The following NADK2 variants were observed in gnomAD, a reference collection of about 807,000 sequenced individuals.
NADK2 encodes NAD kinase 2, mitochondrial.
In NADK2, 35 loss-of-function variants were observed where a neutral mutation model predicts 62.1. The ratio of observed to expected loss-of-function variants is 0.56; its 90% CI spans 0.43 to 0.75. The LOEUF is 0.75. NADK2 is among the 30% of genes least tolerant of loss of function. The pLI is 0.00. For missense variants in NADK2, 439 were observed against 561.3 expected (o/e 0.78, Z 2.20); for synonymous variants, 205 against 207.9 (o/e 0.99, Z 0.12).
chr5:36,199,066 G>A (rs867752654), intron 10 of NADK2, among the ~76,000 whole-genome samples: 4 of 151,840 alleles, frequency 2.6e-5, no homozygotes, highest in Middle Eastern at 3.2e-3. Flanking sequence ...TAGGGGGTGG[G>A]GGGAGGAATA....
intron 2 of NADK2, among the ~76,000 whole-genome samples, chr5:36,227,255 GA>G (rs745981940): frequency 1.3e-5 from 2 of 152,228 alleles, no homozygotes; most frequent in Non-Finnish European, 2.9e-5. Flanking sequence ...CATTTCTCTG[GA>G]AGACCAAATA....
At chr5:36,228,124 C>T (rs1421447424) in intron 1 of NADK2, among the ~76,000 whole-genome samples, 1 of 152,148 alleles carries the variant, frequency 6.6e-6, no homozygotes, top group East Asian at 1.9e-4. Context: ...GAAATCTAAA[C>T]AAAGGGCTGA....
chr5:36,203,013 C>T (rs1347263201), intron 8 of NADK2, among the ~76,000 whole-genome samples: 1 of 151,860 alleles, frequency 6.6e-6, no homozygotes, highest in Admixed American at 6.6e-5. Context: ...GAAAAAAAGC[C>T]CCTCTCTATC....
intron 1 of NADK2, among the ~76,000 whole-genome samples, chr5:36,231,180 GA>G (rs1579635806): frequency 6.6e-6 from 1 of 152,164 alleles, no homozygotes; most frequent in Non-Finnish European, 1.5e-5. Context: ...AGGAAAATAA[GA>G]TACATGGCGT....
intron 4 of NADK2, among the ~76,000 whole-genome samples, chr5:36,222,729 A>G (rs1249052220): frequency 6.6e-6 from 1 of 152,230 alleles, no homozygotes; most frequent in Admixed American, 6.5e-5. Context: ...AAGCTAGTTC[A>G]GTAATTTAAA....
At chr5:36,211,631 T>C (rs1221898589) in intron 7 of NADK2, among the ~76,000 whole-genome samples, 1 of 152,150 alleles carries the variant, frequency 6.6e-6, no homozygotes, top group African/African-American at 2.4e-5. Context: ...TTATTTAATC[T>C]AGGGTTTCAC....
At chr5:36,207,570 T>C (rs1447987058) in intron 7 of NADK2, among the ~76,000 whole-genome samples, 3 of 152,130 alleles carry the variant, frequency 2.0e-5, no homozygotes, top group Non-Finnish European at 4.4e-5. Context: ...TTTGCTCTTA[T>C]GGAATCTAAC....
Position 36,195,346 on chromosome 5 carries a change from A to G in NADK2, c.1191-64T>C, listed in dbSNP as rs11952882. 0.52 allele frequency: 762,915 copies of G among 1,465,232 alleles called. 212,308 individuals are homozygous for G. Among genetic ancestry groups the G allele is most frequent in the Non-Finnish European group, 0.58 (637,808 of 1,100,366 alleles). 90.8% of individuals were successfully genotyped at this position (1,465,232 alleles called of 1,614,324 possible). The stretch of plus-strand genomic sequence containing the variant: ...TTCTTAATAGGTTATTTTAATCCTG[A>G]ATTTTAACCTAGCAGATCATTTGGC... On this transcript the variant is annotated intron_variant, in intron 11 of 11. Transcript: ENST00000381937.
chr5:36,227,460 C>A lies in NADK2; in HGVS notation c.389+17G>T. On this transcript the variant is annotated intron_variant, in intron 2 of 11. Transcript: ENST00000381937. ...TGAATATAAAATCCAACCCAAGACCCAATCCCATAGACTTACCGTAAACTA... is the reference window on the plus strand; with the variant it reads ...TGAATATAAAATCCAACCCAAGACCAAATCCCATAGACTTACCGTAAACTA... 1 of 1,353,946 alleles carries A rather than the reference C, an allele frequency of 7.4e-7. No individual in the cohort carries two copies. The highest frequency in any genetic ancestry group is 9.8e-7 in the Non-Finnish European group (1 of 1,024,716). 83.9% of individuals were successfully genotyped at this position (1,353,946 alleles called of 1,614,324 possible). A position where few individuals can be genotyped will look rare whatever the true frequency, so the allele number is the denominator to read the frequency against.
At chr5:36,199,232 T>C (rs1222488847) in intron 10 of NADK2, among the ~76,000 whole-genome samples, 1 of 151,992 alleles carries the variant, frequency 6.6e-6, no homozygotes. Flanking sequence ...GAAAAAGATA[T>C]TGCTAACTCA....
intron 4 of NADK2, among the ~76,000 whole-genome samples, chr5:36,223,559 A>C (rs1353464197): frequency 6.6e-6 from 1 of 152,234 alleles, no homozygotes; most frequent in Non-Finnish European, 1.5e-5. Flanking sequence ...AGGAAGAAAA[A>C]GGTATCATAA....
At chr5:36,229,846 A>G (rs1747639888) in intron 1 of NADK2, among the ~76,000 whole-genome samples, 1 of 150,224 alleles carries the variant, frequency 6.7e-6, no homozygotes, top group Admixed American at 6.6e-5. Context: ...TAGCATGTTC[A>G]ATATCTAGCC....
rs1247992073 is a variant in NADK2, at chr5:36,193,730, C to T, written c.*1414G>A. 2 of 152,522 alleles carry T rather than the reference C, an allele frequency of 1.3e-5. No homozygotes were observed. The highest frequency in any genetic ancestry group is 4.8e-5 in the African/African-American group (2 of 41,426). 9.4% of individuals were successfully genotyped at this position (152,522 alleles called of 1,614,324 possible). A position where few individuals can be genotyped will look rare whatever the true frequency, so the allele number is the denominator to read the frequency against. The stretch of plus-strand genomic sequence containing the variant: ...AACCTAGATTAACTTTGTACATTAA[C>T]ATTTATTTTAAAAAATTGATAAGAA... On this transcript the variant is annotated 3_prime_UTR_variant, in exon 12 of 12. Coordinates refer to ENST00000381937, the MANE Select transcript of NADK2 (RefSeq NM_001085411.3).
At chr5:36,211,615 A>G (rs931189956) in intron 7 of NADK2, among the ~76,000 whole-genome samples, 31 of 152,284 alleles carry the variant, frequency 2.0e-4, no homozygotes, top group African/African-American at 6.7e-4. Flanking sequence ...ACACAGTACA[A>G]TAACTTTATT....
intron 1 of NADK2, among the ~76,000 whole-genome samples, chr5:36,229,367 T>C (rs555964503): frequency 6.6e-6 from 1 of 152,306 alleles, no homozygotes; most frequent in Non-Finnish European, 1.5e-5. Flanking sequence ...AAGCAACCAA[T>C]GTCAATAATT....
At chr5:36,209,574 A>G (rs1434742107) in intron 7 of NADK2, among the ~76,000 whole-genome samples, 1 of 152,124 alleles carries the variant, frequency 6.6e-6, no homozygotes, top group East Asian at 1.9e-4. Context: ...TGTCTTTAGA[A>G]TAATAACTAG....
chr5:36,239,442 C>A (rs2112213725), intron 1 of NADK2, among the ~76,000 whole-genome samples: 1 of 152,256 alleles, frequency 6.6e-6, no homozygotes, highest in South Asian at 2.1e-4. Context: ...AAAAACTATT[C>A]CACTGCCTGG....
intron 7 of NADK2, among the ~76,000 whole-genome samples, chr5:36,207,530 T>C (rs957649740): frequency 6.6e-6 from 1 of 152,096 alleles, no homozygotes; most frequent in Admixed American, 6.6e-5. Flanking sequence ...AAATAGGAGC[T>C]TCTTGCAAAT....
rs753695448 is a variant in NADK2, at chr5:36,241,560, T to C, written c.239A>G (p.Tyr80Cys). The C allele has an allele frequency of 2.4e-5, 38 of 1,558,168 alleles. 1 individual carries two copies. In the South Asian group the frequency reaches 4.1e-4, roughly 17 times the overall value. ...ACGGTACCGCTGCTGCTCGAACTCG[T>C]ACCGGGTGGTTTTGGCCACCACCAC... is the stretch of plus-strand genomic sequence containing the variant. Reference protein sequence around the residue: ...RVVVVAKTTRYEFEQQRYRYA... With the variant: ...RVVVVAKTTRCEFEQQRYRYA... The change falls in exon 1 of 12, where the codon TAC (tyrosine) becomes TGC (cysteine). Residue 80 changes from tyrosine to cysteine, a missense_variant. By Grantham distance (194) the Tyr-to-Cys change is radical. Transcript: ENST00000381937. The surrounding 1 kb of genome is among the most constrained non-coding windows in gnomAD (Gnocchi z 4.9).
Sources: gnomAD v4.1 joint callset for allele counts (sites outside exome capture counted in the v4.1 genomes callset) on GRCh38, gnomAD v4.1.1 for gene constraint, Gnocchi (gnomAD v3.1) non-coding constraint, MANE v1.5 for transcripts, NCBI Gene and HGNC (gene_info 2026-07-23, HGNC 2026-07-21) for gene names.